Variants in RTL4 observed in about 807,000 individuals in gnomAD.
RTL4 encodes retrotransposon Gag like 4.
Under a neutral mutation model 5.3 loss-of-function variants are expected in RTL4, and 4 were observed. The ratio of observed to expected loss-of-function variants is 0.75; its 90% CI spans 0.37 to 1.72. The LOEUF (loss-of-function observed/expected upper bound fraction) is 1.72. Among genes scored for constraint, RTL4 ranks in the 40% most tolerant of loss-of-function variants. The probability of loss-of-function intolerance (pLI) is 0.04; values close to 1 mark genes in which losing one functional copy is unlikely to be tolerated. For missense variants in RTL4, 260 were observed against 227.1 expected, an observed-to-expected ratio of 1.14 and a Z score of -0.93; for synonymous variants, 98 against 87.3, an observed-to-expected ratio of 1.12 and a Z score of -0.68.
chrX:112,332,400 C>G, the RTL4 span, among the ~76,000 whole-genome samples: 1 of 110,241 alleles, frequency 9.1e-6, no homozygotes, highest in Non-Finnish European at 1.9e-5. Context: ...TATTGCAGCA[C>G]TATTCACAAT....
chrX:112,302,581 T>C, the RTL4 span, among the ~76,000 whole-genome samples: 1 of 112,501 alleles, frequency 8.9e-6, no homozygotes, highest in South Asian at 3.6e-4. Flanking sequence ...ATTGTACTCA[T>C]TAAGTAATTT....
At chrX:112,455,505 G>A (rs1926824433) in exon 1 of RTL4, 4 of 1,211,357 alleles carry the variant, frequency 3.3e-6, no homozygotes, top group Non-Finnish European at 4.5e-6. Context: ...CTATACAGCT[G>A]CGAGAAGGCC....
chrX:112,103,864 AAC>A, the RTL4 span, among the ~76,000 whole-genome samples: 1 of 111,574 alleles, frequency 9.0e-6, no homozygotes, highest in Non-Finnish European at 1.9e-5. Context: ...TAATTAAATT[AAC>A]ACATGCATTA....
the RTL4 span, among the ~76,000 whole-genome samples, chrX:112,106,831 C>G: frequency 8.9e-5 from 10 of 111,885 alleles, no homozygotes; most frequent in African/African-American, 2.6e-4. Context: ...AATGTCTTTT[C>G]TGGTCTTTTG....
At chrX:112,286,110 G>A in the RTL4 span, among the ~76,000 whole-genome samples, 1 of 111,666 alleles carries the variant, frequency 9.0e-6, no homozygotes, top group Non-Finnish European at 1.9e-5. Context: ...GTTTGATAGG[G>A]TGATGGAAGA....
the RTL4 span, among the ~76,000 whole-genome samples, chrX:112,294,913 C>T: frequency 8.9e-6 from 1 of 111,960 alleles, no homozygotes; most frequent in South Asian, 3.8e-4. Flanking sequence ...AGAGACTCAC[C>T]ATAGTGTACC....
At chrX:112,157,247 C>T in the RTL4 span, among the ~76,000 whole-genome samples, 1,993 of 111,033 alleles carry the variant, frequency 0.018, 43 homozygotes, top group African/African-American at 0.061. Flanking sequence ...TGATTATTTT[C>T]TCCCCATTTT....
chrX:112,437,413 A>G, the RTL4 span, among the ~76,000 whole-genome samples: 2 of 112,047 alleles, frequency 1.8e-5, no homozygotes. Flanking sequence ...ACTAAGATAA[A>G]TTTCTAATTT....
chrX:112,403,742 G>A, the RTL4 span, among the ~76,000 whole-genome samples: 1 of 111,837 alleles, frequency 8.9e-6, no homozygotes, highest in Non-Finnish European at 1.9e-5. Flanking sequence ...TTATCACCTG[G>A]CTCTTCTTTT....
the RTL4 span, among the ~76,000 whole-genome samples, chrX:112,324,876 G>C: frequency 9.0e-6 from 1 of 111,487 alleles, no homozygotes; most frequent in Admixed American, 9.6e-5. Context: ...TTAGTTTATA[G>C]TGTTGCCTAA....
At chrX:112,398,070 AG>A in the RTL4 span, among the ~76,000 whole-genome samples, 2 of 111,585 alleles carry the variant, frequency 1.8e-5, no homozygotes, top group Non-Finnish European at 3.8e-5. Context: ...GGGTAATATT[AG>A]GGGGAAATCA....
the RTL4 span, among the ~76,000 whole-genome samples, chrX:112,293,393 C>G: frequency 2.7e-5 from 3 of 112,536 alleles, no homozygotes; most frequent in African/African-American, 9.7e-5. Context: ...TTGTATAACA[C>G]AGTATTCACT....
chrX:112,271,710 G>C, the RTL4 span, among the ~76,000 whole-genome samples: 2 of 111,318 alleles, frequency 1.8e-5, no homozygotes, highest in South Asian at 7.5e-4. Flanking sequence ...AATATGATGT[G>C]TTTTCTTATT....
At chrX:112,294,930 C>A in the RTL4 span, among the ~76,000 whole-genome samples, 1 of 112,205 alleles carries the variant, frequency 8.9e-6, no homozygotes, top group African/African-American at 3.2e-5. Context: ...TACCAGCCAA[C>A]AATAGTGAAG....
the RTL4 span, among the ~76,000 whole-genome samples, chrX:112,203,558 T>A: frequency 5.4e-5 from 6 of 111,040 alleles, no homozygotes; most frequent in African/African-American, 2.0e-4. Context: ...ATGTTGGGCA[T>A]ATTCATATGG....
At chrX:112,256,947 T>C in the RTL4 span, among the ~76,000 whole-genome samples, 2 of 111,900 alleles carry the variant, frequency 1.8e-5, no homozygotes, top group African/African-American at 6.5e-5. Flanking sequence ...CTCCAAATAA[T>C]GTCAGCTTCA....
chrX:112,100,139 G>C, the RTL4 span, among the ~76,000 whole-genome samples: 2,652 of 111,646 alleles, frequency 0.024, 96 homozygotes, highest in African/African-American at 0.082. Context: ...AAACACAAGA[G>C]TGCGAAATGT....
At chrX:112,326,300 C>G in the RTL4 span, among the ~76,000 whole-genome samples, 2 of 111,222 alleles carry the variant, frequency 1.8e-5, no homozygotes, top group Non-Finnish European at 3.8e-5. Flanking sequence ...ATGTGCGCAC[C>G]GTGCATGAGC....
the RTL4 span, among the ~76,000 whole-genome samples, chrX:112,194,079 G>A: frequency 5.4e-5 from 6 of 112,038 alleles, no homozygotes; most frequent in Admixed American, 3.8e-4. Context: ...ACTCAAGGAA[G>A]GGCACTTTGA....
Sources: gnomAD v4.1 joint callset for allele counts (sites outside exome capture counted in the v4.1 genomes callset) on GRCh38, gnomAD v4.1.1 for gene constraint, MANE v1.5 for transcripts, NCBI Gene and HGNC (gene_info 2026-07-23, HGNC 2026-07-21) for gene names.